UBE3A: variants seen among roughly 807,000 people sequenced by gnomAD.
The protein encoded by UBE3A is ubiquitin-protein ligase E3A.
A neutral mutation model predicts 83.4 loss-of-function variants in UBE3A; 6 were observed. The observed-to-expected ratio is 0.07, with a 90% confidence interval of 0.04 to 0.14. The LOEUF is 0.14. Among genes scored for constraint, UBE3A ranks in the 10% least tolerant of loss-of-function variants. UBE3A has a pLI of 1.00. For synonymous variants in UBE3A, 337 were observed against 355.4 expected (o/e 0.95, Z 0.58); for missense variants, 456 against 1,036.1 (o/e 0.44, Z 7.69).
At chr15:25,387,567 A>G (rs2083399390) in intron 4 of UBE3A, among the ~76,000 whole-genome samples, 2 of 152,140 alleles carry the variant, frequency 1.3e-5, no homozygotes, top group African/African-American at 4.8e-5. Flanking sequence ...CAATTATCTG[A>G]GCTACCAACT....
chr15:25,342,764 C>A (rs940681183), intron 11 of UBE3A, among the ~76,000 whole-genome samples: 1 of 152,008 alleles, frequency 6.6e-6, no homozygotes, highest in Non-Finnish European at 1.5e-5. Context: ...GTGGCTTGTG[C>A]GGAATCATAC....
intron 7 of UBE3A, 27 bp from the exon 8 acceptor site, chr15:25,356,923 A>AAAAG: frequency 6.4e-7 from 1 of 1,570,514 alleles, no homozygotes; most frequent in East Asian, 2.2e-5. Flanking sequence ...TTAAAAATAC[A>AAAAG]TTACTTTTGT....
chr15:25,361,075 T>G lies in UBE3A; in HGVS notation c.1609-548A>C, dbSNP rs181041417. ...TTAATGGACTAGAACCCATCTTATA[T>G]CCACATTTCCTTAAAAACAGGTGAG... On this transcript the variant is annotated intron_variant, in intron 6 of 12. Coordinates refer to ENST00000648336, the MANE Select transcript of UBE3A (RefSeq NM_130839.5). 1.3e-3 allele frequency among the ~76,000 whole-genome samples: 197 copies of G among 151,770 alleles called. 1 individual carries two copies. The highest frequency in any genetic ancestry group is 4.6e-3 in the African/African-American group (192 of 41,380).
At chr15:25,415,062 C>T (rs1309058181) in intron 1 of UBE3A, among the ~76,000 whole-genome samples, 1 of 152,152 alleles carries the variant, frequency 6.6e-6, no homozygotes, top group African/African-American at 2.4e-5. Flanking sequence ...ATTCTAAAGA[C>T]CACGCTTATT....
Position 25,371,915 on chromosome 15 carries a change from A to G in UBE3A, c.362-103T>C, listed in dbSNP as rs536693186. ...TAAAACAGCCAAACATTCTAGGCTC[A>G]ATATCATTTATGATATACAACTCTT... On this transcript the variant is annotated intron_variant, in intron 5 of 12. Coordinates refer to ENST00000648336, the MANE Select transcript of UBE3A (RefSeq NM_130839.5). The surrounding 1 kb of genome is among the most constrained non-coding windows in gnomAD (Gnocchi z 5.3). 18 of 1,128,806 alleles carry G rather than the reference A, an allele frequency of 1.6e-5. No homozygotes were observed. Among genetic ancestry groups the G allele is most frequent in the Middle Eastern group, 2.9e-4 (1 of 3,426 alleles). The allele number at this position is 1,128,806 out of a possible 1,614,324, so 69.9% of individuals were successfully genotyped here.
chr15:25,395,215 A>C (rs1234194928), intron 4 of UBE3A, among the ~76,000 whole-genome samples: 7 of 152,214 alleles, frequency 4.6e-5, no homozygotes, highest in African/African-American at 1.7e-4. Flanking sequence ...AAAGGAAGCC[A>C]GTTCACACAG....
chr15:25,360,573 T>A (rs759333023), intron 6 of UBE3A, 46 bp from the exon 7 acceptor site: 10 of 1,599,274 alleles, frequency 6.3e-6, no homozygotes, highest in Non-Finnish European at 7.7e-6. Context: ...ATTGCTAGTA[T>A]CAGGAAAAAA....
At chr15:25,395,878 G>T (rs1169422866) in intron 4 of UBE3A, among the ~76,000 whole-genome samples, 1 of 152,154 alleles carries the variant, frequency 6.6e-6, no homozygotes, top group African/African-American at 2.4e-5. Context: ...CATAGCCTTA[G>T]TGTTAGAGGT....
intron 7 of UBE3A, among the ~76,000 whole-genome samples, chr15:25,359,968 T>C (rs1167948910): frequency 6.6e-6 from 1 of 152,190 alleles, no homozygotes; most frequent in Non-Finnish European, 1.5e-5. Flanking sequence ...GTTTCTGAAC[T>C]TTGAGCATGA....
At chr15:25,356,596 T>C in intron 8 of UBE3A, 95 bp downstream of exon 8, 1 of 1,256,352 alleles carries the variant, frequency 8.0e-7, no homozygotes, top group Non-Finnish European at 1.1e-6. Context: ...TCAACAAAGA[T>C]TCTAAACAAA....
At chr15:25,406,625 TGAACTTCTCA>T (rs1335810630) in intron 3 of UBE3A, among the ~76,000 whole-genome samples, 1 of 151,994 alleles carries the variant, frequency 6.6e-6, no homozygotes. Context: ...TCCTGATTTG[TGAACTTCTCA>T]CTGACTTTAG....
rs1477186674 is a variant in UBE3A, at chr15:25,338,109, A to C, written c.*1028T>G. On this transcript the variant is annotated 3_prime_UTR_variant, in exon 13 of 13. Coordinates refer to ENST00000648336, the MANE Select transcript of UBE3A (RefSeq NM_130839.5). ...GTGCCTCGATAAAATGGCTGATTCAACAAGATGATGGCAACACGAAGGGGA... is the reference window on the plus strand; with the variant it reads ...GTGCCTCGATAAAATGGCTGATTCACCAAGATGATGGCAACACGAAGGGGA... 1 of 152,182 alleles carries C rather than the reference A, an allele frequency of 6.6e-6. No individual in the cohort carries two copies. Among genetic ancestry groups the C allele is most frequent in the Non-Finnish European group, 1.5e-5 (1 of 68,006 alleles). 9.4% of individuals were successfully genotyped at this position (152,182 alleles called of 1,614,324 possible).
chr15:25,410,274 C>T (rs1038922632), intron 2 of UBE3A, among the ~76,000 whole-genome samples: 1 of 152,152 alleles, frequency 6.6e-6, no homozygotes, highest in African/African-American at 2.4e-5. Flanking sequence ...ATATCCTCCT[C>T]CCTCAACCAA....
rs576960375 is a variant in UBE3A, at chr15:25,408,405, A to C, written c.20+683T>G. 78 of 642,218 alleles carry C rather than the reference A, an allele frequency of 1.2e-4. No homozygotes were observed. The African/African-American group carries it at 1.4e-3, about 12-fold the overall frequency. 39.8% of individuals were successfully genotyped at this position (642,218 alleles called of 1,614,324 possible). On this transcript the variant is annotated intron_variant, in intron 3 of 12. Transcript: ENST00000648336. ...ATAACCAAAGGGAAATTTTTGTATT[A>C]AACTATTGACTTAGGTTATCCTAAA...
At chr15:25,351,222 A>T (rs2076446265) in intron 11 of UBE3A, among the ~76,000 whole-genome samples, 1 of 152,178 alleles carries the variant, frequency 6.6e-6, no homozygotes, top group Non-Finnish European at 1.5e-5. Flanking sequence ...CTATATGTGG[A>T]TCTGTAATTT....
At chr15:25,365,041 AT>A (rs2078855376) in intron 6 of UBE3A, among the ~76,000 whole-genome samples, 1 of 152,200 alleles carries the variant, frequency 6.6e-6, no homozygotes, top group Non-Finnish European at 1.5e-5. Context: ...ATAAACAAAA[AT>A]ATCCTGGATA....
rs2073955627 is a variant in UBE3A, at chr15:25,336,264, G to A, written c.*2873C>T. The A allele has an allele frequency of 6.6e-6, 1 of 152,170 alleles. No individual in the cohort carries two copies. Among genetic ancestry groups the A allele is most frequent in the African/African-American group, 2.4e-5 (1 of 41,430 alleles). The allele number at this position is 152,170 out of a possible 1,614,324, so 9.4% of individuals were successfully genotyped here. ...GTGGGAGGGGTACAGATGGCCCTTA[G>A]ACACTGGCGGAAAGTCAGAGAAAAA... On this transcript the variant is annotated 3_prime_UTR_variant, in exon 13 of 13. Transcript: ENST00000648336.
intron 4 of UBE3A, among the ~76,000 whole-genome samples, chr15:25,392,970 A>G (rs1418532875): frequency 6.6e-6 from 1 of 152,164 alleles, no homozygotes; most frequent in East Asian, 1.9e-4. Flanking sequence ...AGGAGTGCAA[A>G]TGCACTCTTC....
At chr15:25,402,400 T>A (rs1245136533) in intron 4 of UBE3A, among the ~76,000 whole-genome samples, 1 of 152,156 alleles carries the variant, frequency 6.6e-6, no homozygotes, top group Non-Finnish European at 1.5e-5. Flanking sequence ...GCCTAGAATT[T>A]GGATCACAAG....
Sources: allele counts gnomAD v4.1 joint callset (sites outside exome capture counted in the v4.1 genomes callset), GRCh38; gene constraint gnomAD v4.1.1; non-coding constraint Gnocchi (gnomAD v3.1); transcripts MANE v1.5; gene names NCBI Gene and HGNC (gene_info 2026-07-23, HGNC 2026-07-21).